The following NHS variants were observed in gnomAD, a reference collection of about 807,000 sequenced individuals.
NHS encodes actin remodeling regulator NHS.
In NHS, 5 loss-of-function variants were observed where a neutral mutation model predicts 72.5. That is an observed-to-expected ratio of 0.07 (90% confidence interval 0.04 to 0.14). The LOEUF (loss-of-function observed/expected upper bound fraction) is 0.14. Among genes scored for constraint, NHS ranks in the 10% least tolerant of loss-of-function variants. The pLI, the probability that NHS is intolerant of heterozygous loss-of-function variation, is 1.00. For missense variants in NHS, 1,072 were observed against 1,355.7 expected (o/e 0.79, Z 3.29); for synonymous variants, 464 against 547.7 (o/e 0.85, Z 2.13).
At chrX:17,390,461 A>G (rs2064438846) in intron 1 of NHS, among the ~76,000 whole-genome samples, 1 of 110,204 alleles carries the variant, frequency 9.1e-6, no homozygotes. Flanking sequence ...TAACTTCAAG[A>G]AGTGCATCAT....
intron 1 of NHS, among the ~76,000 whole-genome samples, chrX:17,604,341 A>G (rs1048087059): frequency 3.6e-5 from 4 of 111,531 alleles, no homozygotes; most frequent in African/African-American, 9.8e-5. Context: ...TGCAGAACCT[A>G]TCAAAGCCTT....
intron 3 of NHS, among the ~76,000 whole-genome samples, chrX:17,712,290 T>TATATATATATATAC (rs1396937988): frequency 1.4e-3 from 73 of 52,971 alleles, no homozygotes; most frequent in Non-Finnish European, 1.8e-3. Flanking sequence ...TATATATATA[T>TATATATATATATAC]ACACACACAC....
chrX:17,649,603 G>A (rs181484349), intron 1 of NHS, among the ~76,000 whole-genome samples: 261 of 109,692 alleles, frequency 2.4e-3, no homozygotes, highest in Non-Finnish European at 2.5e-3. Context: ...ATTCATTGCC[G>A]GTATATGCAA....
intron 1 of NHS, among the ~76,000 whole-genome samples, chrX:17,434,846 G>A (rs1419617798): frequency 1.8e-5 from 2 of 112,079 alleles, no homozygotes; most frequent in African/African-American, 6.5e-5. Context: ...CCTTCTTGGA[G>A]CTGGCATCTG....
At chrX:17,602,999 C>A (rs2065659895) in intron 1 of NHS, among the ~76,000 whole-genome samples, 1 of 109,827 alleles carries the variant, frequency 9.1e-6, no homozygotes, top group African/African-American at 3.3e-5. Flanking sequence ...TACCACCACG[C>A]CCAGCTAATT....
intron 1 of NHS, among the ~76,000 whole-genome samples, chrX:17,470,056 G>A (rs2064885931): frequency 1.8e-5 from 2 of 111,326 alleles, no homozygotes; most frequent in Admixed American, 1.9e-4. Flanking sequence ...GACTGGGGTG[G>A]ATTGATGTAC....
At chrX:17,681,471 C>G (rs1387587741) in intron 1 of NHS, among the ~76,000 whole-genome samples, 3 of 111,723 alleles carry the variant, frequency 2.7e-5, no homozygotes, top group Admixed American at 9.5e-5. Context: ...ACCAGCCCAT[C>G]CTGCCATAGC....
intron 5 of NHS, 118 bp downstream of exon 5, chrX:17,721,751 T>C: frequency 1.6e-6 from 1 of 623,437 alleles, no homozygotes. Flanking sequence ...CTTTTTGTCA[T>C]CAAAATACAA....
chrX:17,595,588 G>A (rs2147045937), intron 1 of NHS, among the ~76,000 whole-genome samples: 1 of 112,091 alleles, frequency 8.9e-6, no homozygotes, highest in African/African-American at 3.2e-5. Context: ...CAATGAAAAG[G>A]CAATTAGCTA....
intron 1 of NHS, among the ~76,000 whole-genome samples, chrX:17,642,939 T>C (rs2147077792): frequency 8.9e-6 from 1 of 112,406 alleles, no homozygotes; most frequent in Non-Finnish European, 1.9e-5. Context: ...TTTTGCCTCA[T>C]AAGTGATGGA....
intron 3 of NHS, among the ~76,000 whole-genome samples, chrX:17,707,975 G>A (rs1455450214): frequency 9.0e-6 from 1 of 111,496 alleles, no homozygotes; most frequent in Non-Finnish European, 1.9e-5. Flanking sequence ...ACTTGTCCTA[G>A]ACAAGTCTAT....
intron 1 of NHS, among the ~76,000 whole-genome samples, chrX:17,461,341 T>G (rs1158524496): frequency 8.9e-6 from 1 of 112,199 alleles, no homozygotes; most frequent in Non-Finnish European, 1.9e-5. Context: ...AATGGAAGCT[T>G]GGAATTATTT....
intron 1 of NHS, among the ~76,000 whole-genome samples, chrX:17,440,093 T>TCTA (rs1156664280): frequency 7.4e-5 from 8 of 108,596 alleles, no homozygotes; most frequent in Non-Finnish European, 1.3e-4. Context: ...AACCCCCGTC[T>TCTA]CTACTAAAAA....
rs990457884 is a variant in NHS at position 17,474,601 on chromosome X, G to T, written c.565+98279G>T. On this transcript the variant is annotated intron_variant, in intron 1 of 8. Transcript: ENST00000676302. ...AGACCTCAGCTGTGGAAGCAAGCTG[G>T]TCCTTTGGAGTTGTCCCAAATTGAG... 1.5e-4 allele frequency among the ~76,000 whole-genome samples: 17 copies of T among 111,856 alleles called. 1 individual carries two copies. Among genetic ancestry groups the T allele is most frequent in the African/African-American group, 5.5e-4 (17 of 30,731 alleles).
intron 1 of NHS, among the ~76,000 whole-genome samples, chrX:17,603,383 G>A (rs1400765151): frequency 1.8e-5 from 2 of 112,416 alleles, no homozygotes; most frequent in East Asian, 5.6e-4. Context: ...TCTGAAGAGT[G>A]AATTCAAGAA....
At chrX:17,486,388 T>C (rs1276056333) in intron 1 of NHS, among the ~76,000 whole-genome samples, 1 of 112,284 alleles carries the variant, frequency 8.9e-6, no homozygotes, top group African/African-American at 3.2e-5. Flanking sequence ...TGTCATGTTT[T>C]CAGTTTTGCA....
intron 1 of NHS, among the ~76,000 whole-genome samples, chrX:17,424,567 G>A (rs1426280271): frequency 8.9e-6 from 1 of 112,045 alleles, no homozygotes; most frequent in Non-Finnish European, 1.9e-5. Context: ...AGATAATCTT[G>A]CAATCTTCAC....
At chrX:17,632,750 A>G (rs956304935) in intron 1 of NHS, among the ~76,000 whole-genome samples, 4 of 112,443 alleles carry the variant, frequency 3.6e-5, no homozygotes, top group African/African-American at 1.3e-4. Context: ...GTTACTGTAT[A>G]TAAAGTGCAA....
At chrX:17,403,714 A>G (rs947665380) in intron 1 of NHS, among the ~76,000 whole-genome samples, 10 of 112,223 alleles carry the variant, frequency 8.9e-5, no homozygotes, top group African/African-American at 3.2e-4. Flanking sequence ...GAATAAAAAT[A>G]AGACTCTGTC....
Sources: gnomAD v4.1 joint callset for allele counts (sites outside exome capture counted in the v4.1 genomes callset) on GRCh38, gnomAD v4.1.1 for gene constraint, MANE v1.5 for transcripts, NCBI Gene and HGNC (gene_info 2026-07-23, HGNC 2026-07-21) for gene names.